PTPRT: variants seen among roughly 807,000 people sequenced by gnomAD.
PTPRT encodes the protein protein tyrosine phosphatase receptor type T, also known as receptor-type tyrosine-protein phosphatase T.
A neutral mutation model predicts 176.8 loss-of-function variants in PTPRT; 56 were observed. That is an observed-to-expected ratio of 0.32 (90% CI 0.26 to 0.40). PTPRT has a LOEUF of 0.40. Ranked by LOEUF, PTPRT falls within the 10% of genes least tolerant of loss-of-function variation. The pLI, the probability that PTPRT is intolerant of heterozygous loss-of-function variation, is 1.00. For missense variants in PTPRT, 1,540 were observed against 1,908.2 expected (o/e 0.81, Z 3.60); for synonymous variants, 783 against 739.0 (o/e 1.06, Z -0.96).
At chr20:42,947,252 C>T (rs1980940189) in intron 1 of PTPRT, among the ~76,000 whole-genome samples, 1 of 152,214 alleles carries the variant, frequency 6.6e-6, no homozygotes, top group Admixed American at 6.5e-5. Context: ...TGCAGGCTTA[C>T]AGGAAAGTTG....
the PTPRT span, among the ~76,000 whole-genome samples, chr20:42,045,184 C>T: frequency 1.3e-5 from 2 of 152,012 alleles, no homozygotes; most frequent in Non-Finnish European, 2.9e-5. Context: ...TCACAGGTTC[C>T]AGGGATTAGG....
chr20:42,206,930 C>T (rs994412156), intron 15 of PTPRT, among the ~76,000 whole-genome samples: 11 of 152,314 alleles, frequency 7.2e-5, no homozygotes, highest in East Asian at 1.9e-4. Flanking sequence ...TCTGCCAGCA[C>T]GCAGCTGGAG....
At chr20:42,217,376 T>TACAC (rs71335847) in intron 15 of PTPRT, among the ~76,000 whole-genome samples, 6,047 of 104,166 alleles carry the variant, frequency 0.058, 235 homozygotes, top group South Asian at 0.08. Context: ...CTCTCAAACA[T>TACAC]ACACACACAC....
At chr20:43,089,013 C>T (rs2011717988) in intron 1 of PTPRT, among the ~76,000 whole-genome samples, 1 of 152,108 alleles carries the variant, frequency 6.6e-6, no homozygotes, top group Non-Finnish European at 1.5e-5. Context: ...TTATTAATCC[C>T]TCCCTGCTGC....
intron 2 of PTPRT, among the ~76,000 whole-genome samples, chr20:42,849,244 G>T (rs570657156): frequency 1.3e-5 from 2 of 152,276 alleles, no homozygotes; most frequent in East Asian, 3.9e-4. Context: ...AGTGGAATTT[G>T]CTAAGTGAAA....
chr20:42,282,480 C>G lies in PTPRT; in HGVS notation c.2176+9G>C, dbSNP rs746188464. 1 of 1,608,648 alleles carries G rather than the reference C, an allele frequency of 6.2e-7. No individual in the cohort carries two copies. Among genetic ancestry groups the G allele is most frequent in the African/African-American group, 1.3e-5 (1 of 74,662 alleles). ...ACAGGTGAAGACAGACAAGCAGATG[C>G]CAACATACCTTTTGTAGCCAGACGA... On this transcript the variant is annotated intron_variant, in intron 13 of 30. Transcript: ENST00000373187.
intron 7 of PTPRT, among the ~76,000 whole-genome samples, chr20:42,676,549 C>T (rs1430026923): frequency 6.6e-6 from 1 of 152,058 alleles, no homozygotes; most frequent in Non-Finnish European, 1.5e-5. Context: ...CTCTCTCTCT[C>T]TCTCTCTCTC....
chr20:42,719,153 C>T (rs1471698549), intron 6 of PTPRT, among the ~76,000 whole-genome samples: 1 of 152,190 alleles, frequency 6.6e-6, no homozygotes, highest in Non-Finnish European at 1.5e-5. Context: ...GTGCCTGTGG[C>T]AATCCACAGG....
At chr20:42,171,258 G>C (rs1990068820) in intron 16 of PTPRT, among the ~76,000 whole-genome samples, 2 of 152,114 alleles carry the variant, frequency 1.3e-5, no homozygotes, top group Non-Finnish European at 2.9e-5. Flanking sequence ...CACAAGAATG[G>C]AAGAAGTCTT....
chr20:42,297,342 C>T (rs2057402077), intron 12 of PTPRT, among the ~76,000 whole-genome samples: 1 of 152,094 alleles, frequency 6.6e-6, no homozygotes, highest in Admixed American at 6.5e-5. Flanking sequence ...AGCAAGAACA[C>T]ACAAAACCTG....
intron 1 of PTPRT, among the ~76,000 whole-genome samples, chr20:42,916,103 A>G (rs1252062198): frequency 1.4e-5 from 2 of 144,804 alleles, no homozygotes; most frequent in African/African-American, 2.6e-5. Flanking sequence ...TTTTAATGCT[A>G]TCCCTCCTCC....
At chr20:43,113,135 C>T (rs975901800) in intron 1 of PTPRT, among the ~76,000 whole-genome samples, 1 of 152,146 alleles carries the variant, frequency 6.6e-6, no homozygotes, top group African/African-American at 2.4e-5. Flanking sequence ...GCATGTAACT[C>T]ATTCATGATA....
rs767213096 is a variant in PTPRT, at chr20:42,911,966, AT to A, written c.89-26035del. Among the ~76,000 whole-genome samples the A allele has an allele frequency of 1.2e-4, 17 of 139,650 alleles. No homozygotes were observed. The East Asian group carries it at 3.4e-3, about 28-fold the overall frequency. The allele number at this position is 139,650 out of a possible 152,430, so 91.6% of individuals were successfully genotyped here. Reference sequence around the variant, plus strand: ...GCATGCTGTTAATTTACTAACCCAAATCCTCTTTTCTTTTTTTTTTTTTTTT... The same window carrying A: ...GCATGCTGTTAATTTACTAACCCAAACCTCTTTTCTTTTTTTTTTTTTTTT... On this transcript the variant is annotated intron_variant, in intron 1 of 30. Transcript: ENST00000373187.
intron 7 of PTPRT, among the ~76,000 whole-genome samples, chr20:42,607,052 T>A (rs781622262): frequency 6.6e-6 from 1 of 152,216 alleles, no homozygotes; most frequent in Admixed American, 6.5e-5. Flanking sequence ...TGCTACTACA[T>A]AGATTAGCCT....
At chr20:42,874,858 A>G (rs2145834495) in intron 2 of PTPRT, among the ~76,000 whole-genome samples, 1 of 152,304 alleles carries the variant, frequency 6.6e-6, no homozygotes, top group East Asian at 1.9e-4. Flanking sequence ...CCATTCACAT[A>G]GACTTTAGAA....
intron 7 of PTPRT, among the ~76,000 whole-genome samples, chr20:42,513,996 A>G (rs1299260039): frequency 6.6e-6 from 1 of 152,154 alleles, no homozygotes; most frequent in Non-Finnish European, 1.5e-5. Context: ...TAGTAGCCCC[A>G]TTGAGCGTAA....
At chr20:43,037,502 T>C (rs1437549065) in intron 1 of PTPRT, among the ~76,000 whole-genome samples, 1 of 152,226 alleles carries the variant, frequency 6.6e-6, no homozygotes, top group African/African-American at 2.4e-5. Context: ...TCTCGTGCAC[T>C]TTAAGCCACC....
chr20:43,048,407 G>A (rs1320417454), intron 1 of PTPRT, among the ~76,000 whole-genome samples: 3 of 152,136 alleles, frequency 2.0e-5, no homozygotes, highest in Admixed American at 6.5e-5. Flanking sequence ...AGGGAAGGGG[G>A]TGCACAACAG....
chr20:43,137,066 G>A (rs973415838), intron 1 of PTPRT, among the ~76,000 whole-genome samples: 2 of 152,068 alleles, frequency 1.3e-5, no homozygotes, highest in African/African-American at 4.8e-5. Context: ...CCGTCTCCTG[G>A]TCTTCTACCT....
Sources: gnomAD v4.1 joint callset for allele counts (sites outside exome capture counted in the v4.1 genomes callset) on GRCh38, gnomAD v4.1.1 for gene constraint, MANE v1.5 for transcripts, NCBI Gene and HGNC (gene_info 2026-07-23, HGNC 2026-07-21) for gene names.